The following ANKRD62 variants were observed in gnomAD, a reference collection of about 807,000 sequenced individuals.
ANKRD62 encodes the protein ankyrin repeat domain-containing protein 62.
Under a neutral mutation model 98.8 loss-of-function variants are expected in ANKRD62, and 61 were observed. The observed-to-expected ratio is 0.62, with a 90% CI of 0.50 to 0.76. The LOEUF is 0.76. Among genes scored for constraint, ANKRD62 ranks in the 30% least tolerant of loss-of-function variants. The probability of loss-of-function intolerance (pLI) is 0.00; values close to 1 mark genes in which losing one functional copy is unlikely to be tolerated. For missense variants in ANKRD62, 933 were observed against 1,082.9 expected, an observed-to-expected ratio of 0.86 and a Z score of 1.94; for synonymous variants, 341 against 367.9, an observed-to-expected ratio of 0.93 and a Z score of 0.84.
chr18:12,138,104 C>T, the ANKRD62 span, among the ~76,000 whole-genome samples: 29 of 152,150 alleles, frequency 1.9e-4, no homozygotes, highest in East Asian at 4.2e-3. Context: ...AATGTGTTTG[C>T]TCTTGCTTCT....
chr18:12,113,365 C>A (rs1021714272), intron 8 of ANKRD62, among the ~76,000 whole-genome samples: 2 of 152,160 alleles, frequency 1.3e-5, no homozygotes, highest in Non-Finnish European at 2.9e-5. Context: ...TGGTGGCTCA[C>A]GCCTGTAATC....
At position 12,097,713 on chromosome 18, in the gene ANKRD62, G is replaced by A. The variant is rs2143893874; in HGVS notation, c.688G>A (p.Val230Ile). 1.3e-6 allele frequency: 2 copies of A among 1,536,052 alleles called. No homozygotes were observed. Among genetic ancestry groups the A allele is most frequent in the Non-Finnish European group, 1.7e-6 (2 of 1,146,804 alleles). ...CCAGCTTCTTCAGCACAATATTGAT[G>A]TCTTTTGCCAAGATATATCTGGATG... is the stretch of plus-strand genomic sequence containing the variant. Reference protein sequence around the residue: ...VYQLLQHNIDVFCQDISGWTA... With the variant: ...VYQLLQHNIDIFCQDISGWTA... Residue 230 changes from valine to isoleucine, a missense_variant, in exon 5 of 14, where the codon GTC becomes ATC. Physicochemically the swap from Val to Ile is conservative, Grantham distance 29 (BLOSUM62 3). This residue lies in a region of ANKRD62 where 549 missense variants were observed against 587.9 expected (regional missense o/e 0.93). Transcript: ENST00000587848.
the ANKRD62 span, among the ~76,000 whole-genome samples, chr18:12,166,841 A>C: frequency 1.3e-3 from 193 of 152,014 alleles, no homozygotes; most frequent in African/African-American, 4.1e-3. Context: ...CATCATTTAC[A>C]TTAGGTATTT....
At position 12,128,784 on chromosome 18, in the gene ANKRD62, G is replaced by T. The variant is rs1909945200; in HGVS notation, c.*845G>T. 6.6e-6 allele frequency: 1 copy of T among 152,224 alleles called. No individual in the cohort carries two copies. Among genetic ancestry groups the T allele is most frequent in the African/African-American group, 2.4e-5 (1 of 41,462 alleles). The allele number at this position is 152,224 out of a possible 1,614,324, so 9.4% of individuals were successfully genotyped here. A position where few individuals can be genotyped will look rare whatever the true frequency, so the allele number is the denominator to read the frequency against. On this transcript the variant is annotated 3_prime_UTR_variant, in exon 14 of 14. Coordinates refer to ENST00000587848, the MANE Select transcript of ANKRD62 (RefSeq NM_001277333.2). Reference sequence around the variant, plus strand: ...GTTTTAAATGTTAAAAATGGGTCGGGCGCGGTGGCTCACGCCTGTGATCCA... The same window carrying T: ...GTTTTAAATGTTAAAAATGGGTCGGTCGCGGTGGCTCACGCCTGTGATCCA...
rs114884884 is a variant in ANKRD62, at chr18:12,122,424, C to G, written c.1362C>G (p.Ser454Arg). The change falls in exon 11 of 14, where the codon AGC becomes AGG. Residue 454 changes from serine to arginine, a missense_variant. By Grantham distance (110) the Ser-to-Arg change is moderately radical. This residue lies in a region of ANKRD62 where 549 missense variants were observed against 587.9 expected (regional missense o/e 0.93). Transcript: ENST00000587848. ...TTCAAAAAATGAAAAATAATATTAGCGTACTACAAAAGGTACTATCTGAAA... is the reference window on the plus strand; with the variant it reads ...TTCAAAAAATGAAAAATAATATTAGGGTACTACAAAAGGTACTATCTGAAA... ...VKFQKMKNNI[S>R]VLQKVLSETD... is the part of the protein sequence containing the mutation. 3,320 of 1,535,254 alleles carry G rather than the reference C, an allele frequency of 2.2e-3. 43 individuals are homozygous for G. The African/African-American group carries it at 0.036, about 16-fold the overall frequency.
At chr18:12,179,380 GATA>G in the ANKRD62 span, among the ~76,000 whole-genome samples, 1 of 134,368 alleles carries the variant, frequency 7.4e-6, no homozygotes, top group Non-Finnish European at 1.6e-5. Context: ...AGAGAGTGGG[GATA>G]ACTGAGTGAC....
chr18:12,135,387 G>T, the ANKRD62 span, among the ~76,000 whole-genome samples: 1 of 150,928 alleles, frequency 6.6e-6, no homozygotes, highest in Admixed American at 6.6e-5. Context: ...ATTTTTTATG[G>T]CTGCATAGTA....
the ANKRD62 span, among the ~76,000 whole-genome samples, chr18:12,163,958 A>G: frequency 4.0e-5 from 6 of 151,780 alleles, no homozygotes; most frequent in Admixed American, 2.6e-4. Context: ...TATCACAGGT[A>G]TTGTCCTATA....
chr18:12,159,655 T>C, the ANKRD62 span, among the ~76,000 whole-genome samples: 1 of 152,240 alleles, frequency 6.6e-6, no homozygotes, highest in Non-Finnish European at 1.5e-5. Context: ...TTCTGGACTC[T>C]GCAGAGAAAC....
the ANKRD62 span, among the ~76,000 whole-genome samples, chr18:12,137,697 A>G: frequency 6.6e-6 from 1 of 152,084 alleles, no homozygotes; most frequent in African/African-American, 2.4e-5. Flanking sequence ...TTTGGTTGGT[A>G]AGCTATTAAT....
the ANKRD62 span, among the ~76,000 whole-genome samples, chr18:12,138,020 A>C: frequency 6.6e-6 from 1 of 151,920 alleles, no homozygotes; most frequent in Admixed American, 6.6e-5. Context: ...TGATTTTTTG[A>C]AGGGTTTTTT....
intron 7 of ANKRD62, among the ~76,000 whole-genome samples, chr18:12,106,665 T>C (rs1410105774): frequency 1.3e-5 from 2 of 152,220 alleles, no homozygotes; most frequent in African/African-American, 2.4e-5. Context: ...GAATGTGAAA[T>C]TGGGGAAGCA....
At chr18:12,103,307 G>A in intron 7 of ANKRD62, 79 bp downstream of exon 7, 1 of 802,068 alleles carries the variant, frequency 1.2e-6, no homozygotes, top group East Asian at 3.3e-5. Flanking sequence ...TTTTGGACTA[G>A]CCTTTTAGAA....
the ANKRD62 span, among the ~76,000 whole-genome samples, chr18:12,161,478 A>ACAG: frequency 2.3e-5 from 2 of 86,798 alleles, no homozygotes; most frequent in Non-Finnish European, 2.7e-5. Flanking sequence ...GCAATGCATA[A>ACAG]TAGCATGGAG....
At chr18:12,117,465 A>C (rs950492990) in intron 10 of ANKRD62, among the ~76,000 whole-genome samples, 1 of 152,124 alleles carries the variant, frequency 6.6e-6, no homozygotes, top group Non-Finnish European at 1.5e-5. Context: ...TCTTTTTCTT[A>C]CCTGACTGCA....
chr18:12,111,662 T>C (rs543121208), intron 8 of ANKRD62, among the ~76,000 whole-genome samples: 11 of 152,236 alleles, frequency 7.2e-5, no homozygotes, highest in East Asian at 5.8e-4. Context: ...GAAAACCACA[T>C]AGTGTGAGGC....
rs776621915 is a variant in ANKRD62, at chr18:12,096,178, G to A, written c.508-18G>A. On this transcript the variant is annotated intron_variant, in intron 3 of 13. Coordinates refer to ENST00000587848, the MANE Select transcript of ANKRD62 (RefSeq NM_001277333.2). ...TATGTAATTTTGTGAATTATAAATTGTTTTTGCTGTTTTGCAGGATGGACA... is the reference window on the plus strand; with the variant it reads ...TATGTAATTTTGTGAATTATAAATTATTTTTGCTGTTTTGCAGGATGGACA... 6.8e-7 allele frequency: 1 copy of A among 1,459,990 alleles called. No homozygotes were observed. Among genetic ancestry groups the A allele is most frequent in the South Asian group, 1.3e-5 (1 of 78,428 alleles). The allele number at this position is 1,459,990 out of a possible 1,614,324, so 90.4% of individuals were successfully genotyped here.
the ANKRD62 span, among the ~76,000 whole-genome samples, chr18:12,175,315 G>A: frequency 6.6e-6 from 1 of 152,170 alleles, no homozygotes; most frequent in African/African-American, 2.4e-5. Context: ...CTGGTGGTGG[G>A]AGTGGAGCTC....
chr18:12,127,608 A>G, intron 13 of ANKRD62, 140 bp from the exon 14 acceptor site: 1 of 552,692 alleles, frequency 1.8e-6, no homozygotes, highest in East Asian at 3.4e-5. Context: ...AATAAACAGG[A>G]ATGTGTACAC....
Sources: gnomAD v4.1 joint callset for allele counts (sites outside exome capture counted in the v4.1 genomes callset) on GRCh38, gnomAD v4.1.1 for gene constraint, gnomAD v4.1.1 regional missense constraint, MANE v1.5 for transcripts, NCBI Gene and HGNC (gene_info 2026-07-23, HGNC 2026-07-21) for gene names.